Variants in ZNF728 observed in about 807,000 individuals in gnomAD.
ZNF728 encodes the protein zinc finger protein 728.
In ZNF728, 12 loss-of-function variants were observed where a neutral mutation model predicts 12.5. The observed-to-expected ratio is 0.96, with a 90% CI of 0.61 to 1.55. The LOEUF is 1.55. ZNF728 is among the 40% of genes most tolerant of loss of function. The pLI is 0.00. For missense variants in ZNF728, 692 were observed against 719.2 expected (o/e 0.96, Z 0.43); for synonymous variants, 205 against 240.7 (o/e 0.85, Z 1.37).
intron 1 of ZNF728, among the ~76,000 whole-genome samples, chr19:22,999,373 A>C (rs2145355582): frequency 6.6e-6 from 1 of 152,142 alleles, no homozygotes; most frequent in South Asian, 2.1e-4. Context: ...TTCTATCTTA[A>C]CCTTAACTGC....
intron 3 of ZNF728, among the ~76,000 whole-genome samples, chr19:22,985,092 A>C (rs1968901412): frequency 2.0e-5 from 3 of 152,212 alleles, no homozygotes; most frequent in Admixed American, 2.0e-4. Context: ...ATAATCTGAA[A>C]TATAAAAATA....
rs113998384 is a variant in ZNF728 at position 22,987,316 on chromosome 19, T to C, written c.218A>G (p.Glu73Gly). 992 of 1,610,822 alleles carry C rather than the reference T, an allele frequency of 6.2e-4. 5 individuals carry two copies. The African/African-American group carries it at 0.012, about 20-fold the overall frequency. The change falls in exon 3 of 4, where the codon GAA becomes GGA. Residue 73 changes from glutamate to glycine, a missense_variant. By Grantham distance (98) the Glu-to-Gly change is moderately conservative. Around this residue, in one of 3 missense-constraint regions of ZNF728, gnomAD observed 440 missense variants for 459.6 expected, o/e 0.96. Coordinates refer to ENST00000594710, the MANE Select transcript of ZNF728 (RefSeq NM_001267716.2). ...TATTCATTCTCACCTACCTGGCGGT[T>C]CTTTCACCAGCTCATGTCTCTTCAT... ...WNMKRHELVK[E>G]PPVICSHFAQ...
chr19:22,980,266 G>T (rs1968848569), intron 3 of ZNF728, among the ~76,000 whole-genome samples: 1 of 147,742 alleles, frequency 6.8e-6, no homozygotes, highest in South Asian at 2.1e-4. Context: ...AACCAACAAA[G>T]ATCAAAAGAG....
At chr19:22,979,140 A>C (rs192257495) in intron 3 of ZNF728, among the ~76,000 whole-genome samples, 58 of 152,314 alleles carry the variant, frequency 3.8e-4, no homozygotes, top group African/African-American at 1.4e-3. Context: ...AATTGCTAAC[A>C]GGAAGAACCA....
chr19:22,991,629 C>T (rs546565905), intron 1 of ZNF728, among the ~76,000 whole-genome samples: 4 of 152,156 alleles, frequency 2.6e-5, no homozygotes, highest in Non-Finnish European at 2.9e-5. Context: ...TTATATTTCC[C>T]GTTATCTGCT....
chr19:23,000,885 ACC>A (rs1367650254), intron 1 of ZNF728, among the ~76,000 whole-genome samples: 2,325 of 116,080 alleles, frequency 0.02, 76 homozygotes, highest in African/African-American at 0.11. Flanking sequence ...AAAAAAAAAA[ACC>A]AAAAAAAAAA....
intron 3 of ZNF728, among the ~76,000 whole-genome samples, chr19:22,979,320 GA>G (rs1221766216): frequency 7.9e-5 from 12 of 152,122 alleles, no homozygotes; most frequent in African/African-American, 2.7e-4. Context: ...GAGAAAAAAA[GA>G]ATAAAAAGAA....
At chr19:22,977,736 T>C (rs985872509) in intron 3 of ZNF728, among the ~76,000 whole-genome samples, 1 of 152,172 alleles carries the variant, frequency 6.6e-6, no homozygotes, top group African/African-American at 2.4e-5. Flanking sequence ...AAGACAAATC[T>C]GAAGATGTTT....
At chr19:22,983,564 T>TAA (rs1968883097) in intron 3 of ZNF728, among the ~76,000 whole-genome samples, 1 of 152,192 alleles carries the variant, frequency 6.6e-6, no homozygotes, top group Admixed American at 6.5e-5. Context: ...TGCATACGTT[T>TAA]ATTGCAGCAC....
intron 3 of ZNF728, among the ~76,000 whole-genome samples, chr19:22,978,608 G>T (rs1313363174): frequency 1.3e-5 from 2 of 152,194 alleles, no homozygotes; most frequent in Non-Finnish European, 2.9e-5. Context: ...ATACAGGAGA[G>T]CTCTGGCTGG....
chr19:22,988,203 AAATAT>A, intron 2 of ZNF728, 117 bp downstream of exon 2: 2 of 1,555,478 alleles, frequency 1.3e-6, no homozygotes. Flanking sequence ...GCCGTCTTCC[AAATAT>A]ACTCTTTTGT....
At chr19:22,991,113 C>T (rs180855981) in intron 1 of ZNF728, among the ~76,000 whole-genome samples, 65 of 152,290 alleles carry the variant, frequency 4.3e-4, no homozygotes, top group Middle Eastern at 3.4e-3. Flanking sequence ...TGAAGACAAA[C>T]ATTCTTCATC....
chr19:23,002,509 T>A, intron 1 of ZNF728, among the ~76,000 whole-genome samples: 1 of 152,248 alleles, frequency 6.6e-6, no homozygotes, highest in East Asian at 1.9e-4. Context: ...AGGCACCTTA[T>A]AAAACTCTTC....
In ZNF728 at chr19:22,988,424, T is replaced by G. The variant is rs767685915; in HGVS notation, c.31A>C (p.Ile11Leu). 6.2e-7 allele frequency: 1 copy of G among 1,614,124 alleles called. No individual in the cohort carries two copies. The highest frequency in any genetic ancestry group is 8.5e-7 in the Non-Finnish European group (1 of 1,179,994). Reference protein sequence around the residue: MGSLTFRDVAIQFSLEEWQCL... With the variant: MGSLTFRDVALQFSLEEWQCL... ...TGCCACTCCTCCAGAGAGAATTGTA[T>G]GGCCACATCCCGAAATGTCAACGAT... Residue 11 changes from isoleucine to leucine, a missense_variant, in exon 2 of 4, where the codon ATA becomes CTA. Transcript: ENST00000594710.
At chr19:22,981,284 A>C (rs1222270489) in intron 3 of ZNF728, among the ~76,000 whole-genome samples, 2 of 152,222 alleles carry the variant, frequency 1.3e-5, no homozygotes, top group Non-Finnish European at 2.9e-5. Context: ...ATCTAGAAGA[A>C]ATGAATAAAT....
intron 1 of ZNF728, among the ~76,000 whole-genome samples, chr19:22,994,490 A>T (rs1403920603): frequency 6.6e-6 from 1 of 152,246 alleles, no homozygotes. Context: ...TGTGACATGC[A>T]TTACAGTCAA....
chr19:22,991,562 T>C (rs1279559258), intron 1 of ZNF728, among the ~76,000 whole-genome samples: 1 of 152,214 alleles, frequency 6.6e-6, no homozygotes. Flanking sequence ...TGCTAAATAA[T>C]GTTTCTGCAA....
intron 1 of ZNF728, among the ~76,000 whole-genome samples, chr19:22,994,032 G>A (rs1410401610): frequency 6.6e-6 from 1 of 152,130 alleles, no homozygotes; most frequent in African/African-American, 2.4e-5. Context: ...AGGGAGAAGT[G>A]GATTCTCATG....
chr19:22,995,801 T>C (rs1969043529), intron 1 of ZNF728: 1 of 152,202 alleles, frequency 6.6e-6, no homozygotes, highest in Non-Finnish European at 1.5e-5. Context: ...AACCATTGAA[T>C]GTGAGATCTA....
Sources: gnomAD v4.1 joint callset for allele counts (sites outside exome capture counted in the v4.1 genomes callset) on GRCh38, gnomAD v4.1.1 for gene constraint, gnomAD v4.1.1 regional missense constraint, MANE v1.5 for transcripts, NCBI Gene and HGNC (gene_info 2026-07-23, HGNC 2026-07-21) for gene names.